RTN4: variants seen among roughly 807,000 people sequenced by gnomAD.
RTN4 encodes reticulon 4.
A neutral mutation model predicts 90.4 loss-of-function variants in RTN4; 32 were observed. The observed-to-expected ratio is 0.35, with a 90% CI of 0.27 to 0.48. The LOEUF is 0.48. Among genes scored for constraint, RTN4 ranks in the 20% least tolerant of loss-of-function variants. RTN4 has a pLI of 0.99. For synonymous variants in RTN4, 629 were observed against 552.5 expected, an observed-to-expected ratio of 1.14 and a Z score of -1.94; for missense variants, 1,706 against 1,430.2, an observed-to-expected ratio of 1.19 and a Z score of -3.11.
intron 3 of RTN4, among the ~76,000 whole-genome samples, chr2:54,994,040 C>G (rs1477152441): frequency 6.6e-6 from 1 of 152,118 alleles, no homozygotes; most frequent in Non-Finnish European, 1.5e-5. Context: ...TTACAGATTC[C>G]TCAAATTGGT....
At chr2:55,037,933 T>C (rs1367432916) in intron 1 of RTN4, among the ~76,000 whole-genome samples, 2 of 152,156 alleles carry the variant, frequency 1.3e-5, no homozygotes, top group South Asian at 2.1e-4. Flanking sequence ...GGCATAAGGA[T>C]AGACAAATCA....
chr2:55,071,693 A>G (rs1573497910), intron 2 of RTN4, among the ~76,000 whole-genome samples: 1 of 152,174 alleles, frequency 6.6e-6, no homozygotes, highest in South Asian at 2.1e-4. Context: ...CATAGCCCAT[A>G]CCCTTCACTG....
chr2:55,010,442 C>T (rs1680551743), intron 3 of RTN4: 1 of 940,032 alleles, frequency 1.1e-6, no homozygotes, highest in Middle Eastern at 4.3e-4. Flanking sequence ...GGGCAGGCTA[C>T]CAAAAGAAAG....
chr2:54,990,247 T>C (rs768011002), intron 3 of RTN4, among the ~76,000 whole-genome samples: 3 of 152,234 alleles, frequency 2.0e-5, no homozygotes, highest in South Asian at 2.1e-4. Flanking sequence ...TCAATAGTTG[T>C]ATGTATTTCA....
intron 3 of RTN4, among the ~76,000 whole-genome samples, chr2:55,018,100 C>G (rs149515449): frequency 6.6e-6 from 1 of 152,130 alleles, no homozygotes; most frequent in African/African-American, 2.4e-5. Flanking sequence ...TACCAGGTAT[C>G]CTTGAAAAAG....
At chr2:55,111,981 G>T (rs1170269342) in intron 1 of RTN4, among the ~76,000 whole-genome samples, 1 of 152,102 alleles carries the variant, frequency 6.6e-6, no homozygotes, top group Non-Finnish European at 1.5e-5. Flanking sequence ...GCAGTTAATT[G>T]CAATGAGTCT....
chr2:55,120,930 C>G, the RTN4 span, among the ~76,000 whole-genome samples: 3 of 152,162 alleles, frequency 2.0e-5, no homozygotes, highest in Admixed American at 2.0e-4. Flanking sequence ...CCAGGGTCTC[C>G]TTTCAGGGTT....
Position 55,049,725 on chromosome 2 carries a change from C to A in RTN4, c.556+20G>T. The A allele has an allele frequency of 1.4e-6, 2 of 1,393,588 alleles. No individual in the cohort carries two copies. Among genetic ancestry groups the A allele is most frequent in the African/African-American group, 1.5e-5 (1 of 66,766 alleles). 86.3% of individuals were successfully genotyped at this position (1,393,588 alleles called of 1,614,324 possible). On this transcript the variant is annotated intron_variant, in intron 1 of 8. Transcript: ENST00000337526. Reference sequence around the variant, plus strand: ...GAGGGGCGCGAGGGGCGGCGCGAAGCGAGAGGTCGCGGCACTCACCCACTG... The same window carrying A: ...GAGGGGCGCGAGGGGCGGCGCGAAGAGAGAGGTCGCGGCACTCACCCACTG...
chr2:55,043,027 T>C (rs1683178344), intron 1 of RTN4, among the ~76,000 whole-genome samples: 1 of 152,200 alleles, frequency 6.6e-6, no homozygotes, highest in Non-Finnish European at 1.5e-5. Flanking sequence ...AGCTTAAATA[T>C]GAAATTATCA....
upstream of RTN4, among the ~76,000 whole-genome samples, chr2:55,117,490 G>A (rs1265121849): frequency 1.3e-5 from 2 of 152,186 alleles, no homozygotes; most frequent in African/African-American, 4.8e-5. Context: ...GGCTCAAGGA[G>A]CACAGTGAAA....
In RTN4 at chr2:55,025,548, C is replaced by T; in HGVS notation, c.2551G>A (p.Ala851Thr). The T allele has an allele frequency of 6.2e-7, 1 of 1,613,668 alleles. No individual in the cohort carries two copies. The highest frequency in any genetic ancestry group is 8.5e-7 in the Non-Finnish European group (1 of 1,179,800). Residue 851 changes from alanine to threonine, a missense_variant, in exon 3 of 9, where the codon GCA becomes ACA. Coordinates refer to ENST00000337526, the MANE Select transcript of RTN4 (RefSeq NM_020532.5). ...AACGTTTCAGTTTCTCTTATCTGTG[C>T]TTCCTTAGAAATAAATAAGTCATCA... The part of the protein sequence containing the change: ...SNDDLFISKE[A>T]QIRETETFSD...
chr2:55,109,878 T>G (rs989516059), intron 1 of RTN4, among the ~76,000 whole-genome samples: 4 of 152,164 alleles, frequency 2.6e-5, no homozygotes, highest in African/African-American at 9.7e-5. Flanking sequence ...ATCTTAGCCT[T>G]GTAGAGGGAT....
At chr2:55,126,327 C>T in the RTN4 span, among the ~76,000 whole-genome samples, 3 of 151,612 alleles carry the variant, frequency 2.0e-5, no homozygotes, top group Non-Finnish European at 4.4e-5. Flanking sequence ...CGAGATGGCA[C>T]CATTGCATTC....
chr2:55,089,737 T>C (rs1374607040), intron 1 of RTN4, among the ~76,000 whole-genome samples: 19 of 152,248 alleles, frequency 1.2e-4, no homozygotes, highest in Non-Finnish European at 2.9e-5. Flanking sequence ...AAGGCCATTC[T>C]ACAAATTGCC....
intron 3 of RTN4, among the ~76,000 whole-genome samples, chr2:55,002,758 T>A (rs937956483): frequency 6.6e-6 from 1 of 152,174 alleles, no homozygotes; most frequent in Non-Finnish European, 1.5e-5. Context: ...TATACATGAC[T>A]CTCCCTACCT....
the RTN4 span, among the ~76,000 whole-genome samples, chr2:55,137,301 G>T: frequency 2.0e-5 from 3 of 152,218 alleles, no homozygotes; most frequent in South Asian, 2.1e-4. Context: ...ATGAAATGGG[G>T]GTGGCTGGAA....
rs933799261 is a variant in RTN4 at position 55,066,895 on chromosome 2, C to T, written c.-63+13594G>A. On this transcript the variant is annotated intron_variant, in intron 2 of 3. Transcript: ENST00000427710. ...ACAGAAGTAGGTATATGAAAACACT[C>T]ATTTAGACATTACTCATTCAGAATT... is the stretch of plus-strand genomic sequence containing the variant. Among the ~76,000 whole-genome samples the T allele has an allele frequency of 2.0e-5, 3 of 152,046 alleles. 1 individual carries two copies. Among genetic ancestry groups the T allele is most frequent in the Non-Finnish European group, 4.4e-5 (3 of 68,014 alleles).
At chr2:55,111,791 G>C (rs1175677864) in intron 1 of RTN4, among the ~76,000 whole-genome samples, 2 of 152,148 alleles carry the variant, frequency 1.3e-5, no homozygotes, top group Non-Finnish European at 2.9e-5. Context: ...ACATTGAACA[G>C]ATATTCACTG....
chr2:55,009,301 C>T (rs966616277), intron 3 of RTN4, among the ~76,000 whole-genome samples: 1 of 151,990 alleles, frequency 6.6e-6, no homozygotes, highest in African/African-American at 2.4e-5. Flanking sequence ...GTCAGATATA[C>T]AGCCTACCAC....
Sources: gnomAD v4.1 joint callset for allele counts (sites outside exome capture counted in the v4.1 genomes callset) on GRCh38, gnomAD v4.1.1 for gene constraint, MANE v1.5 for transcripts, NCBI Gene and HGNC (gene_info 2026-07-23, HGNC 2026-07-21) for gene names.